SERPINB7: variants seen among roughly 807,000 people sequenced by gnomAD.
The protein encoded by SERPINB7 is serpin B7.
A neutral mutation model predicts 37.4 loss-of-function variants in SERPINB7; 31 were observed. That is an observed-to-expected ratio of 0.83 (90% CI 0.62 to 1.12). The LOEUF (loss-of-function observed/expected upper bound fraction) is 1.12. SERPINB7 is among the 50% of genes most tolerant of loss of function. SERPINB7 has a pLI of 0.00. For synonymous variants in SERPINB7, 163 were observed against 166.1 expected (o/e 0.98, Z 0.14); for missense variants, 521 against 455.3 (o/e 1.14, Z -1.31).
chr18:63,781,087 G>A (rs1255825170), intron 1 of SERPINB7, among the ~76,000 whole-genome samples: 1 of 151,884 alleles, frequency 6.6e-6, no homozygotes, highest in East Asian at 1.9e-4. Context: ...ATTTTAAAAG[G>A]CCTTAAGTAT....
intron 2 of SERPINB7, among the ~76,000 whole-genome samples, chr18:63,787,357 T>C (rs1201230771): frequency 1.3e-5 from 2 of 152,158 alleles, no homozygotes; most frequent in Non-Finnish European, 2.9e-5. Flanking sequence ...GACACTTCTG[T>C]TTACTAAGAT....
chr18:63,755,327 G>A (rs2049115846), intron 1 of SERPINB7, among the ~76,000 whole-genome samples: 1 of 152,006 alleles, frequency 6.6e-6, no homozygotes, highest in Non-Finnish European at 1.5e-5. Flanking sequence ...TTCATTTCGT[G>A]TCCTCCTTGT....
At chr18:63,759,368 T>C (rs1275036916) in intron 1 of SERPINB7, among the ~76,000 whole-genome samples, 1 of 152,158 alleles carries the variant, frequency 6.6e-6, no homozygotes, top group Non-Finnish European at 1.5e-5. Context: ...ATAATGTCTA[T>C]TTTCCTTCAC....
chr18:63,761,708 T>G (rs983394217), intron 1 of SERPINB7, among the ~76,000 whole-genome samples: 4 of 152,224 alleles, frequency 2.6e-5, no homozygotes, highest in African/African-American at 9.6e-5. Flanking sequence ...TCTGATGGAT[T>G]TATCAGGGGT....
intron 4 of SERPINB7, among the ~76,000 whole-genome samples, chr18:63,795,942 G>A (rs1011826271): frequency 6.6e-6 from 1 of 152,202 alleles, no homozygotes; most frequent in African/African-American, 2.4e-5. Flanking sequence ...ACAGGCAAGG[G>A]AGACTGGTTA....
In SERPINB7 at chr18:63,782,433, G is replaced by A. The variant is rs781193498; in HGVS notation, c.61G>A (p.Asp21Asn). 9 of 1,614,210 alleles carry A rather than the reference G, an allele frequency of 5.6e-6. No homozygotes were observed. The highest frequency in any genetic ancestry group is 3.3e-5 in the Admixed American group (2 of 60,026). Residue 21 changes from aspartate to asparagine, a missense_variant, in exon 2 of 8, where the codon GAC becomes AAC. By Grantham distance (23) the Asp-to-Asn change is conservative. Transcript: ENST00000398019. ...CTTCAACCTGTTCAGAGAGATGGAT[G>A]ACAATCAAGGAAATGGAAATGTGTT... ...FCFNLFREMD[D>N]NQGNGNVFFS...
chr18:63,798,161 A>G (rs1173099919), intron 5 of SERPINB7, among the ~76,000 whole-genome samples: 2 of 152,218 alleles, frequency 1.3e-5, no homozygotes, highest in Non-Finnish European at 2.9e-5. Context: ...TCCAGCAAAA[A>G]TTTCATTTAT....
intron 2 of SERPINB7, among the ~76,000 whole-genome samples, chr18:63,784,651 T>C (rs1159511505): frequency 6.6e-6 from 1 of 152,170 alleles, no homozygotes; most frequent in African/African-American, 2.4e-5. Flanking sequence ...AGTTAGAAGA[T>C]TGGGTCGAAG....
intron 2 of SERPINB7, among the ~76,000 whole-genome samples, chr18:63,787,068 C>T (rs2049380929): frequency 6.6e-6 from 1 of 152,132 alleles, no homozygotes; most frequent in Admixed American, 6.5e-5. Context: ...ACAACCTATA[C>T]ATATAGCATG....
In SERPINB7 at chr18:63,804,305, T is replaced by C. The variant is rs1345205571; in HGVS notation, c.813T>C (p.Tyr271=). The change falls in exon 8 of 8, where the codon TAT becomes TAC. Residue 271 remains tyrosine, a synonymous_variant. Coordinates refer to ENST00000398019, the MANE Select transcript of SERPINB7 (RefSeq NM_003784.4). ...WTNPRRMTSK[Y]VEVFFPQFKI... Reference sequence around the variant, plus strand: ...ATCCAAGGCGAATGACCTCTAAGTATGTTGAGGTATTTTTTCCTCAGTTCA... The same window carrying C: ...ATCCAAGGCGAATGACCTCTAAGTACGTTGAGGTATTTTTTCCTCAGTTCA... 1 of 1,610,390 alleles carries C rather than the reference T, an allele frequency of 6.2e-7. No individual in the cohort carries two copies. The highest frequency in any genetic ancestry group is 1.3e-5 in the African/African-American group (1 of 74,738).
intron 2 of SERPINB7, among the ~76,000 whole-genome samples, chr18:63,788,930 A>G (rs777347361): frequency 6.6e-6 from 1 of 152,208 alleles, no homozygotes; most frequent in Non-Finnish European, 1.5e-5. Flanking sequence ...ACACACTGTA[A>G]CATTCACACA....
At chr18:63,757,326 C>T (rs1476997572) in intron 1 of SERPINB7, among the ~76,000 whole-genome samples, 8 of 152,156 alleles carry the variant, frequency 5.3e-5, no homozygotes, top group African/African-American at 1.7e-4. Flanking sequence ...CTTGAAATCT[C>T]AATCCTCAGC....
chr18:63,763,721 G>A (rs1367014232), intron 1 of SERPINB7, among the ~76,000 whole-genome samples: 2 of 152,184 alleles, frequency 1.3e-5, no homozygotes, highest in Non-Finnish European at 2.9e-5. Flanking sequence ...GCTTTCACTG[G>A]TGCCTTTGAC....
chr18:63,767,472 T>C (rs1457277970), intron 1 of SERPINB7, among the ~76,000 whole-genome samples: 1 of 152,148 alleles, frequency 6.6e-6, no homozygotes, highest in East Asian at 1.9e-4. Context: ...ACACATTCTG[T>C]CCAGGTCTTA....
rs1568207540 is a variant in SERPINB7, at chr18:63,783,191, AGAGAGAG to A, written c.168+652_168+658del. Reference sequence around the variant, plus strand: ...AGAAAATAAAGAAAGAAAGAAAGAGAGAGAGAGAGAGAGAGAGAGAGAGAGAGAGAGA... The same window carrying A: ...AGAAAATAAAGAAAGAAAGAAAGAGAAGAGAGAGAGAGAGAGAGAGAGAGA... On this transcript the variant is annotated intron_variant, in intron 2 of 7. Transcript: ENST00000398019. 3.7e-3 allele frequency among the ~76,000 whole-genome samples: 230 copies of A among 61,848 alleles called. 1 individual carries two copies. The highest frequency in any genetic ancestry group is 7.5e-3 in the African/African-American group (109 of 14,578). The allele number at this position is 61,848 out of a possible 152,430, so 40.6% of individuals were successfully genotyped here.
At chr18:63,793,096 G>A in intron 3 of SERPINB7, 65 bp from the exon 4 acceptor site, 2 of 820,706 alleles carry the variant, frequency 2.4e-6, no homozygotes, top group Non-Finnish European at 3.8e-6. Flanking sequence ...TGTTTTATGT[G>A]TAAGTGAGAT....
At chr18:63,768,062 T>C (rs182774851) in intron 1 of SERPINB7, among the ~76,000 whole-genome samples, 2 of 152,126 alleles carry the variant, frequency 1.3e-5, no homozygotes, top group East Asian at 3.9e-4. Context: ...TCTCTTTCTT[T>C]TTAGTGACAG....
chr18:63,783,216 GAGAGAGAGAGAGAGAGAGAAAGAAAGAA>G (rs1568207704), intron 2 of SERPINB7, among the ~76,000 whole-genome samples: 10 of 66,992 alleles, frequency 1.5e-4, no homozygotes, highest in African/African-American at 1.9e-4. Flanking sequence ...GAGAGAGAGA[GAGAGAGAGAGAGAGAGAGAAAGAAAGAA>G]AGAAAGAAAG....
At chr18:63,795,618 AC>A (rs1173894226) in intron 4 of SERPINB7, among the ~76,000 whole-genome samples, 2 of 151,942 alleles carry the variant, frequency 1.3e-5, no homozygotes, top group Non-Finnish European at 2.9e-5. Context: ...TGTGGGTGGA[AC>A]CTAGAGAAGA....
Sources: gnomAD v4.1 joint callset for allele counts (sites outside exome capture counted in the v4.1 genomes callset) on GRCh38, gnomAD v4.1.1 for gene constraint, MANE v1.5 for transcripts, NCBI Gene and HGNC (gene_info 2026-07-23, HGNC 2026-07-21) for gene names.